EYS: variants seen among roughly 807,000 people sequenced by gnomAD.
EYS encodes the protein protein eyes shut homolog.
In EYS, 250 loss-of-function variants were observed where a neutral mutation model predicts 282.1. The observed-to-expected ratio is 0.89, with a 90% CI of 0.80 to 0.98. The LOEUF is 0.98. EYS is among the 50% of genes least tolerant of loss of function. EYS has a pLI of 0.00. For synonymous variants in EYS, 1,355 were observed against 1,282.9 expected (o/e 1.06, Z -1.20); for missense variants, 4,016 against 3,709.0 (o/e 1.08, Z -2.15).
At chr6:63,936,518 C>T (rs1252060572) in intron 35 of EYS, among the ~76,000 whole-genome samples, 4 of 152,218 alleles carry the variant, frequency 2.6e-5, no homozygotes, top group Non-Finnish European at 5.9e-5. Flanking sequence ...TTCCATGGCT[C>T]TGCTTATCCT....
intron 22 of EYS, among the ~76,000 whole-genome samples, chr6:64,675,245 G>A (rs1040666613): frequency 4.6e-5 from 7 of 151,736 alleles, no homozygotes; most frequent in African/African-American, 9.7e-5. Context: ...TCCTACACTC[G>A]GTATCTTCTA....
intron 31 of EYS, among the ~76,000 whole-genome samples, chr6:64,144,857 C>CT (rs796431512): frequency 6.6e-5 from 10 of 152,194 alleles, no homozygotes; most frequent in African/African-American, 1.9e-4. Flanking sequence ...AAAAAATGCT[C>CT]TTTTTTTCCA....
At chr6:64,341,206 T>C (rs1484086852) in intron 29 of EYS, among the ~76,000 whole-genome samples, 1 of 151,802 alleles carries the variant, frequency 6.6e-6, no homozygotes, top group Non-Finnish European at 1.5e-5. Flanking sequence ...TTACTGGCCA[T>C]ATATCCAAAG....
At chr6:65,238,527 G>A (rs1766981987) in intron 12 of EYS, among the ~76,000 whole-genome samples, 1 of 151,910 alleles carries the variant, frequency 6.6e-6, no homozygotes, top group Non-Finnish European at 1.5e-5. Flanking sequence ...TTCTGAAATA[G>A]AAGTTAATGC....
intron 35 of EYS, among the ~76,000 whole-genome samples, chr6:63,928,124 C>A (rs928415716): frequency 6.6e-6 from 1 of 152,148 alleles, no homozygotes; most frequent in Non-Finnish European, 1.5e-5. Flanking sequence ...GAAGATCAAT[C>A]GTGCTGACGT....
In EYS at chr6:63,946,930, A is replaced by G. The variant is rs149539111; in HGVS notation, c.7055+37453T>C. 5.5e-4 allele frequency among the ~76,000 whole-genome samples: 83 copies of G among 152,110 alleles called. 1 individual carries two copies. The East Asian group carries it at 0.014, about 25-fold the overall frequency. ...ATTACTGATGGTATGTATGTATCAA[A>G]ATATCTCATATACCCCATAAATATA... is the stretch of plus-strand genomic sequence containing the variant. On this transcript the variant is annotated intron_variant, in intron 35 of 42. Transcript: ENST00000503581.
At chr6:65,173,486 T>A (rs1765158527) in intron 12 of EYS, among the ~76,000 whole-genome samples, 1 of 151,310 alleles carries the variant, frequency 6.6e-6, no homozygotes, top group Non-Finnish European at 1.5e-5. Flanking sequence ...CCCTGACATC[T>A]AATGTTGGTC....
In EYS at chr6:65,317,587, T is replaced by C. The variant is rs574946920; in HGVS notation, c.1766+17393A>G. ...AACATTTAGTATCTCATGCAATTTC[T>C]GAGGCAAGGAAATCTAGGGGCAGCT... On this transcript the variant is annotated intron_variant, in intron 11 of 42. Coordinates refer to ENST00000503581, the MANE Select transcript of EYS (RefSeq NM_001142800.2). Among the ~76,000 whole-genome samples the C allele has an allele frequency of 1.7e-3, 264 of 152,312 alleles. 2 individuals carry two copies. Among genetic ancestry groups the C allele is most frequent in the Non-Finnish European group, 2.9e-3 (194 of 68,030 alleles).
At chr6:64,197,800 T>C (rs973213084) in intron 31 of EYS, among the ~76,000 whole-genome samples, 2 of 151,704 alleles carry the variant, frequency 1.3e-5, no homozygotes, top group African/African-American at 4.8e-5. Context: ...TACCAGGTAT[T>C]TCTTTACACC....
intron 19 of EYS, among the ~76,000 whole-genome samples, chr6:64,869,723 T>C (rs924676477): frequency 6.6e-6 from 1 of 151,654 alleles, no homozygotes; most frequent in Non-Finnish European, 1.5e-5. Context: ...TTTGATATAA[T>C]GTTGAGAGAC....
rs368954134 is a variant in EYS at position 65,389,797 on chromosome 6, A to T, written c.1185-5297T>A. On this transcript the variant is annotated intron_variant, in intron 7 of 42. Coordinates refer to ENST00000503581, the MANE Select transcript of EYS (RefSeq NM_001142800.2). ...TGAGCTTCTATATTAGATATATATA[A>T]AATGGACAAGAGTTTAACGGTAGGA... Among the ~76,000 whole-genome samples the T allele has an allele frequency of 9.9e-5, 15 of 152,212 alleles. No homozygotes were observed. In the East Asian group the frequency reaches 2.7e-3, roughly 28 times the overall value.
At chr6:63,967,154 A>G (rs1429278928) in intron 35 of EYS, among the ~76,000 whole-genome samples, 1 of 152,186 alleles carries the variant, frequency 6.6e-6, no homozygotes, top group Non-Finnish European at 1.5e-5. Flanking sequence ...CAAGATGTCT[A>G]CTGACTGGCG....
chr6:65,027,351 G>GT (rs1772453647), intron 13 of EYS, among the ~76,000 whole-genome samples: 1 of 152,140 alleles, frequency 6.6e-6, no homozygotes, highest in South Asian at 2.1e-4. Context: ...TTCATTAGAA[G>GT]TTTTTGTGAC....
intron 35 of EYS, among the ~76,000 whole-genome samples, chr6:63,887,230 G>C (rs929929509): frequency 3.3e-5 from 5 of 151,262 alleles, no homozygotes; most frequent in African/African-American, 9.7e-5. Context: ...GTTGAGCATG[G>C]AATATAATGA....
At chr6:64,371,749 C>A (rs911265826) in intron 29 of EYS, among the ~76,000 whole-genome samples, 2 of 152,058 alleles carry the variant, frequency 1.3e-5, no homozygotes, top group Non-Finnish European at 1.5e-5. Flanking sequence ...TGAATTAGAC[C>A]TTTACCATTA....
chr6:63,922,730 G>T (rs1217918805), intron 35 of EYS, among the ~76,000 whole-genome samples: 1 of 152,138 alleles, frequency 6.6e-6, no homozygotes, highest in Non-Finnish European at 1.5e-5. Flanking sequence ...TAGAAAAATT[G>T]GTTCTTGTGG....
At chr6:63,947,830 CT>C (rs1172129964) in intron 35 of EYS, among the ~76,000 whole-genome samples, 2 of 152,096 alleles carry the variant, frequency 1.3e-5, no homozygotes, top group Non-Finnish European at 2.9e-5. Flanking sequence ...TTAAATGGTT[CT>C]TTTCTATTAA....
chr6:64,388,873 A>C, intron 28 of EYS, 33 bp from the exon 29 acceptor site: 1 of 1,359,288 alleles, frequency 7.4e-7, no homozygotes, highest in Non-Finnish European at 9.8e-7. Context: ...TGGTTTTAGT[A>C]TAAGTCATAT....
At chr6:64,469,773 A>AAT (rs1233631351) in intron 26 of EYS, among the ~76,000 whole-genome samples, 5 of 152,060 alleles carry the variant, frequency 3.3e-5, no homozygotes, top group Non-Finnish European at 7.4e-5. Context: ...GCCTGACATT[A>AAT]GTCAGGCCCA....
Sources: gnomAD v4.1 joint callset for allele counts (sites outside exome capture counted in the v4.1 genomes callset) on GRCh38, gnomAD v4.1.1 for gene constraint, MANE v1.5 for transcripts, NCBI Gene and HGNC (gene_info 2026-07-23, HGNC 2026-07-21) for gene names.